Variants in NELL2 observed in about 807,000 individuals in gnomAD.
NELL2 encodes the protein neural EGFL like 2, also known as protein kinase C-binding protein NELL2.
NELL2 carries 41 observed loss-of-function variants against 109.6 expected under a neutral mutation model. The ratio of observed to expected loss-of-function variants is 0.37; its 90% CI spans 0.29 to 0.49. The LOEUF (loss-of-function observed/expected upper bound fraction) is 0.49. Ranked by LOEUF, NELL2 falls within the 20% of genes least tolerant of loss-of-function variation. The pLI, the probability that NELL2 is intolerant of heterozygous loss-of-function variation, is 0.98. For synonymous variants in NELL2, 355 were observed against 344.7 expected (o/e 1.03, Z -0.33); for missense variants, 900 against 1,008.3 (o/e 0.89, Z 1.45).
At chr12:44,792,363 A>C (rs969688446) in intron 3 of NELL2, among the ~76,000 whole-genome samples, 11 of 152,128 alleles carry the variant, frequency 7.2e-5, no homozygotes, top group Non-Finnish European at 1.5e-4. Flanking sequence ...CTTCATTTTT[A>C]CTGGTGAGAA....
intron 15 of NELL2, among the ~76,000 whole-genome samples, chr12:44,556,804 A>G (rs1248805227): frequency 6.6e-6 from 1 of 152,226 alleles, no homozygotes; most frequent in Non-Finnish European, 1.5e-5. Context: ...AAGCTGGTAA[A>G]GGAATTCCAA....
chr12:44,702,720 T>C (rs1184282262), intron 12 of NELL2, among the ~76,000 whole-genome samples: 2 of 152,196 alleles, frequency 1.3e-5, no homozygotes, highest in Non-Finnish European at 2.9e-5. Flanking sequence ...TCTGCAAAAC[T>C]GGAATGATCC....
In NELL2 at chr12:44,691,469, C is replaced by T. The variant is rs543337339; in HGVS notation, c.1318+12257G>A. Among the ~76,000 whole-genome samples, 9 of 152,252 alleles carry T rather than the reference C, an allele frequency of 5.9e-5. No homozygotes were observed. The South Asian group carries it at 1.7e-3, about 28-fold the overall frequency. ...TCTCGCCCCCTTTCCTCAGTCCACG[C>T]TATTCCCTGGGATACAACGATATTG... On this transcript the variant is annotated intron_variant, in intron 12 of 19. Coordinates refer to ENST00000429094, the MANE Select transcript of NELL2 (RefSeq NM_001145108.2).
intron 12 of NELL2, among the ~76,000 whole-genome samples, chr12:44,690,897 G>A (rs1948877392): frequency 6.6e-6 from 1 of 152,156 alleles, no homozygotes; most frequent in East Asian, 1.9e-4. Context: ...AAAAGTGCTT[G>A]TTCCTAGTGC....
chr12:44,624,673 A>G (rs1273074432), intron 13 of NELL2, among the ~76,000 whole-genome samples: 2 of 152,108 alleles, frequency 1.3e-5, no homozygotes, highest in African/African-American at 2.4e-5. Flanking sequence ...GGAAGGCAGA[A>G]AGGCAAAATG....
intron 9 of NELL2, among the ~76,000 whole-genome samples, chr12:44,725,455 A>T (rs537882870): frequency 1.9e-4 from 29 of 152,326 alleles, no homozygotes; most frequent in Admixed American, 1.9e-3. Flanking sequence ...GATTCCTCAA[A>T]AAAACTAAAA....
At chr12:44,846,704 AT>A (rs1292439654) in intron 2 of NELL2, among the ~76,000 whole-genome samples, 1 of 151,982 alleles carries the variant, frequency 6.6e-6, no homozygotes, top group African/African-American at 2.4e-5. Context: ...CCTAAAACAT[AT>A]TTTTTCTAGT....
In NELL2 at chr12:44,723,046, G is replaced by A. The variant is rs537880754; in HGVS notation, c.995-8305C>T. On this transcript the variant is annotated intron_variant, in intron 9 of 19. Transcript: ENST00000429094. The stretch of plus-strand genomic sequence containing the variant: ...TACTAAAAATACAAAAAAATTAGCC[G>A]GTCATGGTGGTGGGCGCCTGTAGTC... Among the ~76,000 whole-genome samples the A allele has an allele frequency of 4.6e-5, 7 of 152,108 alleles. No homozygotes were observed. The South Asian group carries it at 8.3e-4, about 18-fold the overall frequency.
chr12:44,866,550 T>G (rs1945005925), intron 2 of NELL2, among the ~76,000 whole-genome samples: 1 of 151,038 alleles, frequency 6.6e-6, no homozygotes, highest in Non-Finnish European at 1.5e-5. Context: ...ACAAATAACC[T>G]AAAGTTACAA....
At chr12:44,889,068 T>C (rs1945506101) in intron 1 of NELL2, among the ~76,000 whole-genome samples, 1 of 152,024 alleles carries the variant, frequency 6.6e-6, no homozygotes, top group Admixed American at 6.5e-5. Flanking sequence ...TGCCATGCTG[T>C]ACATGAATGC....
intron 3 of NELL2, among the ~76,000 whole-genome samples, chr12:44,800,078 A>C (rs1019950091): frequency 3.3e-5 from 5 of 152,182 alleles, no homozygotes; most frequent in African/African-American, 1.2e-4. Context: ...CATTAATTCC[A>C]CAAAGGAATA....
rs530985488 is a variant in NELL2, at chr12:44,519,496, G to T, written c.2400+509C>A. 3.9e-5 allele frequency among the ~76,000 whole-genome samples: 6 copies of T among 152,276 alleles called. No homozygotes were observed. In the East Asian group the frequency reaches 9.7e-4, roughly 25 times the overall value. On this transcript the variant is annotated intron_variant, in intron 19 of 19. Transcript: ENST00000429094. ...TATGAATAAAATATGGTAAAAAACA[G>T]ATCTTAAATGTTTCAACTCAATGTA... is the stretch of plus-strand genomic sequence containing the variant.
upstream of NELL2, chr12:44,876,757 C>T (rs1351242488): frequency 6.7e-7 from 1 of 1,494,926 alleles, no homozygotes; most frequent in East Asian, 2.5e-5. Context: ...CGGAGCAGCC[C>T]CGGGGTGCAG....
At chr12:44,759,818 T>C (rs1941047214) in intron 9 of NELL2, among the ~76,000 whole-genome samples, 1 of 152,212 alleles carries the variant, frequency 6.6e-6, no homozygotes, top group Non-Finnish European at 1.5e-5. Context: ...AGAGTGTTTA[T>C]TTCCCACACC....
intron 15 of NELL2, among the ~76,000 whole-genome samples, chr12:44,537,777 G>C (rs1243913732): frequency 3.0e-4 from 46 of 151,962 alleles, no homozygotes; most frequent in Non-Finnish European, 1.2e-4. Flanking sequence ...CAACATTTAG[G>C]CATGAATGCT....
At chr12:44,572,049 C>G (rs558762154) in intron 15 of NELL2, among the ~76,000 whole-genome samples, 1 of 152,152 alleles carries the variant, frequency 6.6e-6, no homozygotes, top group Non-Finnish European at 1.5e-5. Context: ...TTCTTTCTCT[C>G]TCTCTCTCCT....
intron 19 of NELL2, among the ~76,000 whole-genome samples, chr12:44,515,438 A>C (rs1464040934): frequency 6.6e-6 from 1 of 151,994 alleles, no homozygotes; most frequent in Non-Finnish European, 1.5e-5. Flanking sequence ...TTCAATTCAT[A>C]TGAAATTTTA....
intron 1 of NELL2, among the ~76,000 whole-genome samples, chr12:44,889,544 CT>C (rs1348429262): frequency 6.6e-6 from 1 of 151,994 alleles, no homozygotes; most frequent in Non-Finnish European, 1.5e-5. Flanking sequence ...GCTTCTGGTC[CT>C]GTTTAAGGTT....
chr12:44,603,207 GA>G (rs11356832), intron 15 of NELL2, among the ~76,000 whole-genome samples: 19,375 of 150,362 alleles, frequency 0.13, 1,561 homozygotes, highest in African/African-American at 0.22. Flanking sequence ...TATTTGCACA[GA>G]AAAAAAAAGC....
Sources: allele counts gnomAD v4.1 joint callset (sites outside exome capture counted in the v4.1 genomes callset), GRCh38; gene constraint gnomAD v4.1.1; transcripts MANE v1.5; gene names NCBI Gene and HGNC (gene_info 2026-07-23, HGNC 2026-07-21).